Variants in SDR42E1 observed in about 807,000 individuals in gnomAD.
The protein encoded by SDR42E1 is short-chain dehydrogenase/reductase family 42E member 1.
SDR42E1 carries 5 observed loss-of-function variants against 2.6 expected under a neutral mutation model. The observed-to-expected ratio is 1.94, with a 90% CI of 1.01 to 4.08. SDR42E1 has a LOEUF of 4.08. Ranked by LOEUF, SDR42E1 falls within the 30% of genes most tolerant of loss-of-function variation. The pLI is 0.00. For missense variants in SDR42E1, 596 were observed against 478.6 expected, an observed-to-expected ratio of 1.25 and a Z score of -2.29; for synonymous variants, 231 against 188.3, an observed-to-expected ratio of 1.23 and a Z score of -1.86.
intron 1 of SDR42E1, among the ~76,000 whole-genome samples, chr16:82,001,608 T>G (rs573390637): frequency 1.3e-5 from 2 of 151,868 alleles, no homozygotes; most frequent in Non-Finnish European, 2.9e-5. Flanking sequence ...TCCTTCCATG[T>G]GGGAGGGAGA....
In SDR42E1 at chr16:81,988,965, T is replaced by G. The variant is rs1002302946; in HGVS notation, c.*10146A>C. 6.6e-6 allele frequency: 1 copy of G among 152,240 alleles called. No individual in the cohort carries two copies. Among genetic ancestry groups the G allele is most frequent in the Non-Finnish European group, 1.5e-5 (1 of 68,048 alleles). 9.4% of individuals were successfully genotyped at this position (152,240 alleles called of 1,614,324 possible). ...TATTCTAGTACAAAATGAGATTTTT[T>G]CCCCTCAAAATCAGTTCACAATAAC... On this transcript the variant is annotated 3_prime_UTR_variant, in exon 3 of 3. Coordinates refer to ENST00000328945, the MANE Select transcript of SDR42E1 (RefSeq NM_145168.3).
chr16:82,007,086 T>A (rs761984401), intron 1 of SDR42E1, among the ~76,000 whole-genome samples: 3 of 152,252 alleles, frequency 2.0e-5, no homozygotes, highest in Non-Finnish European at 4.4e-5. Context: ...TAACTGGTAT[T>A]TCCCATCTGT....
Position 82,000,811 on chromosome 16 carries a change from T to C in SDR42E1, c.48A>G (p.Gly16=). The C allele has an allele frequency of 6.2e-7, 1 of 1,613,802 alleles. No homozygotes were observed. The highest frequency in any genetic ancestry group is 8.5e-7 in the Non-Finnish European group (1 of 1,179,898). The change falls in exon 2 of 3, where the codon GGA becomes GGG. Residue 16 remains glycine (G), a synonymous_variant. Coordinates refer to ENST00000328945, the MANE Select transcript of SDR42E1 (RefSeq NM_145168.3). ...CTTACCGAAAACCAAAATAGCCACT[T>C]CCTCCTGTAATGAGGACACTTTCCT... ...SQKESVLITG[G]SGYFGFRLGC...
chr16:81,998,886 C>G lies in SDR42E1; in HGVS notation c.*225G>C, dbSNP rs7194226. On this transcript the variant is annotated 3_prime_UTR_variant, in exon 3 of 3. Transcript: ENST00000328945. ...CTATTGTACCCACCTAAAACAGAAG[C>G]ACATAACAAATCAAATTTCAAACTA... is the stretch of plus-strand genomic sequence containing the variant. 0.049 allele frequency: 28,354 copies of G among 575,308 alleles called. 3,927 individuals carry two copies. Among genetic ancestry groups the G allele is most frequent in the African/African-American group, 0.37 (19,737 of 53,416 alleles). The allele number at this position is 575,308 out of a possible 1,614,324, so 35.6% of individuals were successfully genotyped here. A position where few individuals can be genotyped will look rare whatever the true frequency, so the allele number is the denominator to read the frequency against.
chr16:82,001,577 G>C (rs1475466421), intron 1 of SDR42E1, among the ~76,000 whole-genome samples: 1 of 151,758 alleles, frequency 6.6e-6, no homozygotes, highest in Non-Finnish European at 1.5e-5. Flanking sequence ...AACTAAATAA[G>C]CAAAAATGAA....
rs1912479189 is a variant in SDR42E1 at position 81,993,713 on chromosome 16, G to C, written c.*5398C>G. On this transcript the variant is annotated 3_prime_UTR_variant, in exon 3 of 3. Transcript: ENST00000328945. Reference sequence around the variant, plus strand: ...CAAGCATTTATTGGGCATATGAAGGGTACAGAAGTAGAAAAAACAGACATG... The same window carrying C: ...CAAGCATTTATTGGGCATATGAAGGCTACAGAAGTAGAAAAAACAGACATG... 6.6e-6 allele frequency: 1 copy of C among 152,168 alleles called. No individual in the cohort carries two copies. The highest frequency in any genetic ancestry group is 2.4e-5 in the African/African-American group (1 of 41,420). 9.4% of individuals were successfully genotyped at this position (152,168 alleles called of 1,614,324 possible).
chr16:82,007,152 A>G (rs183214457), intron 1 of SDR42E1, among the ~76,000 whole-genome samples: 3 of 152,376 alleles, frequency 2.0e-5, no homozygotes, highest in African/African-American at 7.2e-5. Flanking sequence ...ATCTATAGGG[A>G]CAAGGAATAT....
Position 81,993,512 on chromosome 16 carries a change from T to C in SDR42E1, c.*5599A>G, listed in dbSNP as rs1912474543. On this transcript the variant is annotated 3_prime_UTR_variant, in exon 3 of 3. Coordinates refer to ENST00000328945, the MANE Select transcript of SDR42E1 (RefSeq NM_145168.3). ...TGAAAGGACCGATTCCAGAGCTTCC[T>C]ACTCTGCCGTTTTACATGATGTCAC... 1 of 152,214 alleles carries C rather than the reference T, an allele frequency of 6.6e-6. No individual in the cohort carries two copies. The highest frequency in any genetic ancestry group is 1.5e-5 in the Non-Finnish European group (1 of 68,044). The allele number at this position is 152,214 out of a possible 1,614,324, so 9.4% of individuals were successfully genotyped here.
In SDR42E1 at chr16:81,992,847, T is replaced by C. The variant is rs1244879829; in HGVS notation, c.*6264A>G. ...CAACTTGAGTTCAATGAGTTCCTGGTGTGCCCAGGTTCTAAAATACAGAAG... is the reference window on the plus strand; with the variant it reads ...CAACTTGAGTTCAATGAGTTCCTGGCGTGCCCAGGTTCTAAAATACAGAAG... On this transcript the variant is annotated 3_prime_UTR_variant, in exon 3 of 3. Coordinates refer to ENST00000328945, the MANE Select transcript of SDR42E1 (RefSeq NM_145168.3). 2 of 152,148 alleles carry C rather than the reference T, an allele frequency of 1.3e-5. No homozygotes were observed. The highest frequency in any genetic ancestry group is 1.9e-4 in the East Asian group (1 of 5,176). The allele number at this position is 152,148 out of a possible 1,614,324, so 9.4% of individuals were successfully genotyped here.
chr16:81,991,823 C>G lies in SDR42E1; in HGVS notation c.*7288G>C, dbSNP rs1189608668. 3 of 152,076 alleles carry G rather than the reference C, an allele frequency of 2.0e-5. No homozygotes were observed. Among genetic ancestry groups the G allele is most frequent in the South Asian group, 2.1e-4 (1 of 4,826 alleles). 9.4% of individuals were successfully genotyped at this position (152,076 alleles called of 1,614,324 possible). A position where few individuals can be genotyped will look rare whatever the true frequency, so the allele number is the denominator to read the frequency against. ...CCCTTGGGCAAGGTACTGCATCTCC[C>G]TAAGCCTCAGTTTCCTCCCATGTAA... On this transcript the variant is annotated 3_prime_UTR_variant, in exon 3 of 3. Transcript: ENST00000328945.
chr16:81,999,318 A>G lies in SDR42E1; in HGVS notation c.975T>C (p.Phe325=). ...GCTCTTTCTTGGCTTTCTCTAAGCTAAAATAATGTGTGACACCAGTTTTGT... is the reference window on the plus strand; with the variant it reads ...GCTCTTTCTTGGCTTTCTCTAAGCTGAAATAATGTGTGACACCAGTTTTGT... ...EVYKTGVTHY[F]SLEKAKKELG... is the part of the protein sequence containing the mutation. Residue 325 remains phenylalanine (F), a synonymous_variant, in exon 3 of 3, where the codon TTT becomes TTC. Coordinates refer to ENST00000328945, the MANE Select transcript of SDR42E1 (RefSeq NM_145168.3). 1 of 1,614,256 alleles carries G rather than the reference A, an allele frequency of 6.2e-7. No individual in the cohort carries two copies. The highest frequency in any genetic ancestry group is 8.5e-7 in the Non-Finnish European group (1 of 1,180,048).
Position 81,997,487 on chromosome 16 carries a change from T to C in SDR42E1, c.*1624A>G, listed in dbSNP as rs1912569456. On this transcript the variant is annotated 3_prime_UTR_variant, in exon 3 of 3. Coordinates refer to ENST00000328945, the MANE Select transcript of SDR42E1 (RefSeq NM_145168.3). ...AAGGACAATGCAGCTTCCACCCTGC[T>C]GTCTTGGATGACCTGCTCTGGGGAT... 1 of 152,314 alleles carries C rather than the reference T, an allele frequency of 6.6e-6. No homozygotes were observed. The highest frequency in any genetic ancestry group is 2.4e-5 in the African/African-American group (1 of 41,472). 9.4% of individuals were successfully genotyped at this position (152,314 alleles called of 1,614,324 possible). A position where few individuals can be genotyped will look rare whatever the true frequency, so the allele number is the denominator to read the frequency against.
In SDR42E1 at chr16:81,989,516, C is replaced by T. The variant is rs1410888935; in HGVS notation, c.*9595G>A. 6.6e-6 allele frequency: 1 copy of T among 152,164 alleles called. No homozygotes were observed. Among genetic ancestry groups the T allele is most frequent in the Non-Finnish European group, 1.5e-5 (1 of 68,030 alleles). 9.4% of individuals were successfully genotyped at this position (152,164 alleles called of 1,614,324 possible). A position where few individuals can be genotyped will look rare whatever the true frequency, so the allele number is the denominator to read the frequency against. ...CACTCTGAATGTGTAGAAATAAAAG[C>T]TTGATGATTTTGGGTTGGCTTTCTA... On this transcript the variant is annotated 3_prime_UTR_variant, in exon 3 of 3. Transcript: ENST00000328945.
At position 81,998,337 on chromosome 16, in the gene SDR42E1, A is replaced by G. The variant is rs1912599129; in HGVS notation, c.*774T>C. On this transcript the variant is annotated 3_prime_UTR_variant, in exon 3 of 3. Coordinates refer to ENST00000328945, the MANE Select transcript of SDR42E1 (RefSeq NM_145168.3). ...CCAAATACACTTGTTGCAGGCTCTGAGGGCACACCCAAAGACATTGCAGAA... is the reference window on the plus strand; with the variant it reads ...CCAAATACACTTGTTGCAGGCTCTGGGGGCACACCCAAAGACATTGCAGAA... 6.6e-6 allele frequency: 1 copy of G among 152,198 alleles called. No homozygotes were observed. The highest frequency in any genetic ancestry group is 2.4e-5 in the African/African-American group (1 of 41,440). 9.4% of individuals were successfully genotyped at this position (152,198 alleles called of 1,614,324 possible).
chr16:81,999,766 C>T lies in SDR42E1; in HGVS notation c.527G>A (p.Gly176Asp), dbSNP rs1328007694. Residue 176 changes from glycine to aspartate, a missense_variant, in exon 3 of 3, where the codon GGT becomes GAT. Physicochemically the swap from Gly to Asp is moderately conservative, Grantham distance 94. Transcript: ENST00000328945. ...ANATPLDRGD[G>D]VLRTCALRPA... is the part of the protein sequence containing the mutation. ...CCTCAGAGCGCAGGTTCTTAAGACA[C>T]CGTCGCCTCTGTCCAGGGGTGTAGC... 6.2e-7 allele frequency: 1 copy of T among 1,614,196 alleles called. No homozygotes were observed.
Position 81,993,663 on chromosome 16 carries a change from CTGA to C in SDR42E1, c.*5445_*5447del, listed in dbSNP as rs1405952239. 1.3e-5 allele frequency: 2 copies of C among 152,152 alleles called. No individual in the cohort carries two copies. Among genetic ancestry groups the C allele is most frequent in the Admixed American group, 6.5e-5 (1 of 15,278 alleles). 9.4% of individuals were successfully genotyped at this position (152,152 alleles called of 1,614,324 possible). On this transcript the variant is annotated 3_prime_UTR_variant, in exon 3 of 3. Transcript: ENST00000328945. ...TAATTTCAGATAAGGGACCACCTGG[CTGA>C]TAAGTGCATTCACCCCGTCAACAAG...
rs1912450114 is a variant in SDR42E1 at position 81,992,497 on chromosome 16, T to C, written c.*6614A>G. The C allele has an allele frequency of 6.6e-6, 1 of 152,174 alleles. No homozygotes were observed. The highest frequency in any genetic ancestry group is 1.5e-5 in the Non-Finnish European group (1 of 68,034). The allele number at this position is 152,174 out of a possible 1,614,324, so 9.4% of individuals were successfully genotyped here. A position where few individuals can be genotyped will look rare whatever the true frequency, so the allele number is the denominator to read the frequency against. On this transcript the variant is annotated 3_prime_UTR_variant, in exon 3 of 3. Coordinates refer to ENST00000328945, the MANE Select transcript of SDR42E1 (RefSeq NM_145168.3). ...AGACGACTCATTCTTATAACATATA[T>C]ACATATGTTAAAATATATATATGGG...
chr16:81,995,623 T>A lies in SDR42E1; in HGVS notation c.*3488A>T, dbSNP rs947154741. 3 of 152,232 alleles carry A rather than the reference T, an allele frequency of 2.0e-5. No individual in the cohort carries two copies. The highest frequency in any genetic ancestry group is 6.5e-5 in the Admixed American group (1 of 15,286). The allele number at this position is 152,232 out of a possible 1,614,324, so 9.4% of individuals were successfully genotyped here. On this transcript the variant is annotated 3_prime_UTR_variant, in exon 3 of 3. Coordinates refer to ENST00000328945, the MANE Select transcript of SDR42E1 (RefSeq NM_145168.3). ...TTAGTTACGACAGTTCTAGTGTAGG[T>A]TGGCTATTTTCCCCAGTCTCCAAAA...
intron 1 of SDR42E1, among the ~76,000 whole-genome samples, chr16:82,011,068 C>G (rs1047531576): frequency 6.6e-6 from 1 of 152,172 alleles, no homozygotes; most frequent in Non-Finnish European, 1.5e-5. Flanking sequence ...CCAAAGTGTG[C>G]AGAAAATCAA....
Sources: allele counts gnomAD v4.1 joint callset (sites outside exome capture counted in the v4.1 genomes callset), GRCh38; gene constraint gnomAD v4.1.1; transcripts MANE v1.5; gene names NCBI Gene and HGNC (gene_info 2026-07-23, HGNC 2026-07-21).